Variants in STAG1 observed in about 807,000 individuals in gnomAD.
STAG1 encodes the protein cohesin subunit SA-1.
STAG1 carries 26 observed loss-of-function variants against 170.9 expected under a neutral mutation model. The observed-to-expected ratio is 0.15, with a 90% CI of 0.11 to 0.21. The LOEUF (loss-of-function observed/expected upper bound fraction) is 0.21, where lower values mean the gene tolerates loss of function less well. Among genes scored for constraint, STAG1 ranks in the 10% least tolerant of loss-of-function variants. The pLI is 1.00. For synonymous variants in STAG1, 514 were observed against 497.7 expected (o/e 1.03, Z -0.44); for missense variants, 964 against 1,509.5 (o/e 0.64, Z 5.99).
chr3:136,506,573 G>A (rs550152884), intron 7 of STAG1, among the ~76,000 whole-genome samples: 2 of 149,682 alleles, frequency 1.3e-5, no homozygotes, highest in East Asian at 3.9e-4. Flanking sequence ...TTGAACCCAG[G>A]AGGTAGAGAT....
intron 1 of STAG1, among the ~76,000 whole-genome samples, chr3:136,728,265 C>G (rs1309969759): frequency 6.6e-6 from 1 of 152,124 alleles, no homozygotes; most frequent in Non-Finnish European, 1.5e-5. Flanking sequence ...GGGAAATAAA[C>G]TATAAAGTAC....
At chr3:136,549,243 A>G (rs1450213428) in intron 5 of STAG1, among the ~76,000 whole-genome samples, 1 of 152,098 alleles carries the variant, frequency 6.6e-6, no homozygotes, top group Non-Finnish European at 1.5e-5. Context: ...TTATATGTTG[A>G]TGTTGCATCC....
chr3:136,498,360 CTTTGTT>C (rs1933277581), intron 9 of STAG1, among the ~76,000 whole-genome samples: 1 of 147,816 alleles, frequency 6.8e-6, no homozygotes, highest in African/African-American at 2.5e-5. Context: ...AAAACTCTGA[CTTTGTT>C]CAGAGAAAGA....
chr3:136,337,879 A>AAAAT lies in STAG1; in HGVS notation c.*371_*374dup, dbSNP rs1182597231. ...ATTGTACAACAGGAAAATAAAGTTAAAAATATGTTTTTTTTTACTCAATGT... is the reference window on the plus strand; with the variant it reads ...ATTGTACAACAGGAAAATAAAGTTAAAAATAAATATGTTTTTTTTTACTCAATGT... On this transcript the variant is annotated 3_prime_UTR_variant, in exon 34 of 34. Transcript: ENST00000383202. 1.2e-5 allele frequency: 2 copies of AAAAT among 173,012 alleles called. No homozygotes were observed. Among genetic ancestry groups the AAAAT allele is most frequent in the African/African-American group, 4.7e-5 (2 of 42,486 alleles). 10.7% of individuals were successfully genotyped at this position (173,012 alleles called of 1,614,324 possible).
intron 1 of STAG1, among the ~76,000 whole-genome samples, chr3:136,692,404 G>A (rs1942757587): frequency 6.6e-6 from 1 of 151,320 alleles, no homozygotes; most frequent in Non-Finnish European, 1.5e-5. Context: ...GGAGGCCAAG[G>A]TGGGCAGATC....
intron 15 of STAG1, among the ~76,000 whole-genome samples, chr3:136,437,496 A>G (rs1415519911): frequency 6.6e-6 from 1 of 152,210 alleles, no homozygotes; most frequent in African/African-American, 2.4e-5. Flanking sequence ...AACACAACAT[A>G]TAACTATACA....
intron 2 of STAG1, among the ~76,000 whole-genome samples, chr3:136,629,384 G>A (rs1940235012): frequency 6.6e-6 from 1 of 151,956 alleles, no homozygotes; most frequent in Non-Finnish European, 1.5e-5. Context: ...GGCTTGGCCA[G>A]GTAAGGGCAG....
chr3:136,691,752 G>T (rs189839228), intron 1 of STAG1, among the ~76,000 whole-genome samples: 2 of 152,030 alleles, frequency 1.3e-5, no homozygotes, highest in Non-Finnish European at 2.9e-5. Context: ...ATGACATTTC[G>T]CAGCTAGATG....
At position 136,733,908 on chromosome 3, in the gene STAG1, C is replaced by A. The variant is rs563128291; in HGVS notation, c.-84+18287G>T. ...GGATCACAAGGTCAGGAGATCAAGA[C>A]CATCCTGGCTAACACGGTGAAACCC... On this transcript the variant is annotated intron_variant, in intron 1 of 33. Transcript: ENST00000383202. Among the ~76,000 whole-genome samples the A allele has an allele frequency of 2.0e-5, 3 of 152,208 alleles. No homozygotes were observed. The South Asian group carries it at 6.2e-4, about 32-fold the overall frequency.
chr3:136,734,032 G>T (rs535995477), intron 1 of STAG1, among the ~76,000 whole-genome samples: 1 of 151,548 alleles, frequency 6.6e-6, no homozygotes, highest in Admixed American at 6.6e-5. Context: ...GCGTGAATCC[G>T]GGAGGCAGAG....
chr3:136,578,707 T>C (rs111539275), intron 4 of STAG1, among the ~76,000 whole-genome samples: 7 of 152,326 alleles, frequency 4.6e-5, no homozygotes, highest in African/African-American at 1.4e-4. Context: ...CAAAATGCCA[T>C]TGCAGTCCAC....
At chr3:136,669,314 G>C (rs886299084) in intron 1 of STAG1, among the ~76,000 whole-genome samples, 1 of 152,092 alleles carries the variant, frequency 6.6e-6, no homozygotes, top group Non-Finnish European at 1.5e-5. Context: ...ATTAATGGTC[G>C]TTGTTGTTTT....
chr3:136,592,102 T>G (rs1185689054), intron 4 of STAG1, among the ~76,000 whole-genome samples: 2 of 152,210 alleles, frequency 1.3e-5, no homozygotes, highest in Non-Finnish European at 2.9e-5. Flanking sequence ...AGTATCTGCC[T>G]TGGACCGAGA....
chr3:136,657,189 C>CTTTTTTTT (rs67826395), intron 1 of STAG1, among the ~76,000 whole-genome samples: 317 of 92,210 alleles, frequency 3.4e-3, no homozygotes, highest in East Asian at 9.5e-3. Context: ...TTCTTTCTTT[C>CTTTTTTTT]TTTTTTTTTT....
chr3:136,744,459 A>T (rs1934832893), intron 1 of STAG1, among the ~76,000 whole-genome samples: 1 of 152,210 alleles, frequency 6.6e-6, no homozygotes, highest in African/African-American at 2.4e-5. Context: ...ATCAATTTAC[A>T]CTGCTGACAA....
intron 1 of STAG1, among the ~76,000 whole-genome samples, chr3:136,642,264 CTTTTTTTTTTTTTT>C (rs10592920): frequency 3.5e-5 from 3 of 84,948 alleles, no homozygotes; most frequent in South Asian, 1.0e-3. Flanking sequence ...GACAGAATTT[CTTTTTTTTTTTTTT>C]TTTTTTTTTT....
chr3:136,511,055 A>G (rs1248214462), intron 7 of STAG1, among the ~76,000 whole-genome samples: 1 of 152,190 alleles, frequency 6.6e-6, no homozygotes, highest in Non-Finnish European at 1.5e-5. Context: ...TACAGGCATG[A>G]GCCACTGCAC....
intron 3 of STAG1, among the ~76,000 whole-genome samples, 154 bp from the exon 4 acceptor site, chr3:136,604,627 T>A (rs1938844947): frequency 6.6e-6 from 1 of 152,140 alleles, no homozygotes; most frequent in Admixed American, 6.6e-5. Flanking sequence ...AAAACATAAG[T>A]TTATACATAA....
rs554572243 is a variant in STAG1, at chr3:136,365,496, G to A, written c.2685+1447C>T. 2.0e-5 allele frequency among the ~76,000 whole-genome samples: 3 copies of A among 152,188 alleles called. No individual in the cohort carries two copies. In the South Asian group the frequency reaches 6.2e-4, roughly 32 times the overall value. The stretch of plus-strand genomic sequence containing the variant: ...TTTCCAAAAGGAAAGAAGGTTATAT[G>A]GAAAATTAACCCCTCCTCCACAAAT... On this transcript the variant is annotated intron_variant, in intron 25 of 33. Transcript: ENST00000383202.
Sources: gnomAD v4.1 joint callset for allele counts (sites outside exome capture counted in the v4.1 genomes callset) on GRCh38, gnomAD v4.1.1 for gene constraint, MANE v1.5 for transcripts, NCBI Gene and HGNC (gene_info 2026-07-23, HGNC 2026-07-21) for gene names.